Variants in FAM227B observed in about 807,000 individuals in gnomAD.
FAM227B encodes the protein protein FAM227B.
FAM227B carries 88 observed loss-of-function variants against 73.8 expected under a neutral mutation model. The ratio of observed to expected loss-of-function variants is 1.19; its 90% CI spans 1.00 to 1.42. FAM227B has a LOEUF of 1.42. Among genes scored for constraint, FAM227B ranks in the 40% most tolerant of loss-of-function variants. The probability of loss-of-function intolerance (pLI) is 0.00; values close to 1 mark genes in which losing one functional copy is unlikely to be tolerated. For missense variants in FAM227B, 632 were observed against 590.9 expected (o/e 1.07, Z -0.72); for synonymous variants, 210 against 190.5 (o/e 1.10, Z -0.84).
chr15:49,393,485 T>C (rs1480974435), intron 11 of FAM227B, among the ~76,000 whole-genome samples: 1 of 152,176 alleles, frequency 6.6e-6, no homozygotes, highest in Non-Finnish European at 1.5e-5. Flanking sequence ...AAATAAATTA[T>C]AGGCTCTCAA....
chr15:49,615,045 G>A, intron 2 of FAM227B, 76 bp downstream of exon 2: 1 of 1,342,072 alleles, frequency 7.5e-7, no homozygotes, highest in South Asian at 1.2e-5. Flanking sequence ...GCTCTACCTG[G>A]GAGCCCTGAT....
intron 11 of FAM227B, among the ~76,000 whole-genome samples, chr15:49,467,589 T>C (rs923778545): frequency 5.3e-5 from 8 of 152,162 alleles, no homozygotes; most frequent in East Asian, 1.9e-4. Flanking sequence ...AAAAATCTGA[T>C]ACTTTCTCAC....
chr15:49,350,169 T>A (rs2042043231), intron 13 of FAM227B, among the ~76,000 whole-genome samples: 1 of 152,224 alleles, frequency 6.6e-6, no homozygotes, highest in Non-Finnish European at 1.5e-5. Flanking sequence ...TTGTTCATAG[T>A]ACTTTCTGTG....
chr15:49,498,764 G>C (rs1222529760), intron 11 of FAM227B, among the ~76,000 whole-genome samples: 1 of 152,154 alleles, frequency 6.6e-6, no homozygotes, highest in African/African-American at 2.4e-5. Flanking sequence ...TCAAAATAAA[G>C]GGATGGAAAA....
chr15:49,533,960 C>T (rs2060813701), intron 10 of FAM227B, among the ~76,000 whole-genome samples: 1 of 151,818 alleles, frequency 6.6e-6, no homozygotes, highest in Non-Finnish European at 1.5e-5. Flanking sequence ...TACTTTCTTG[C>T]TGTCTTCCTT....
intron 11 of FAM227B, among the ~76,000 whole-genome samples, chr15:49,496,739 T>G (rs1057002019): frequency 6.6e-6 from 1 of 152,174 alleles, no homozygotes; most frequent in African/African-American, 2.4e-5. Flanking sequence ...AAAAATTATG[T>G]TTTAAATATG....
chr15:49,603,913 T>C (rs938078998), intron 3 of FAM227B, among the ~76,000 whole-genome samples: 2 of 152,202 alleles, frequency 1.3e-5, no homozygotes, highest in East Asian at 3.9e-4. Context: ...GGAAATCATA[T>C]GGGTTTTGTC....
chr15:49,443,613 T>C (rs1022230703), intron 11 of FAM227B, among the ~76,000 whole-genome samples: 1 of 151,798 alleles, frequency 6.6e-6, no homozygotes, highest in Non-Finnish European at 1.5e-5. Flanking sequence ...CTAAAAACTA[T>C]GATCTAATTC....
intron 11 of FAM227B, among the ~76,000 whole-genome samples, chr15:49,375,066 T>C (rs750585067): frequency 2.0e-5 from 3 of 152,150 alleles, no homozygotes; most frequent in Non-Finnish European, 4.4e-5. Context: ...ATGGTTCAAA[T>C]TGGCAAACTG....
chr15:49,329,479 G>A, intron 15 of FAM227B: 3 of 985,036 alleles, frequency 3.0e-6, no homozygotes, highest in Non-Finnish European at 2.4e-6. Flanking sequence ...CTCACAGATT[G>A]GGCATCACCA....
intron 10 of FAM227B, among the ~76,000 whole-genome samples, chr15:49,535,016 G>A (rs567164746): frequency 6.6e-6 from 1 of 151,592 alleles, no homozygotes; most frequent in South Asian, 2.1e-4. Context: ...CTAACATTAT[G>A]CCTTAAGGAA....
chr15:49,341,483 G>T (rs2040721835), intron 13 of FAM227B, among the ~76,000 whole-genome samples: 1 of 152,092 alleles, frequency 6.6e-6, no homozygotes, highest in African/African-American at 2.4e-5. Context: ...TGGGTTAGAT[G>T]TACCTGTGAT....
At position 49,457,703 on chromosome 15, in the gene FAM227B, A is replaced by G. The variant is rs139374655; in HGVS notation, c.1012+50508T>C. ...CAGTGACAATAGATTTCCAATGTCT[A>G]TTACTTCAGTATTTAGAAAATAGAT... is the stretch of plus-strand genomic sequence containing the variant. On this transcript the variant is annotated intron_variant, in intron 11 of 15. Coordinates refer to ENST00000299338, the MANE Select transcript of FAM227B (RefSeq NM_152647.3). Among the ~76,000 whole-genome samples, 307 of 152,004 alleles carry G rather than the reference A, an allele frequency of 2.0e-3. 2 individuals carry two copies. The highest frequency in any genetic ancestry group is 7.1e-3 in the African/African-American group (294 of 41,536).
chr15:49,475,087 T>C (rs933962666), intron 11 of FAM227B, among the ~76,000 whole-genome samples: 2 of 152,190 alleles, frequency 1.3e-5, no homozygotes, highest in African/African-American at 2.4e-5. Context: ...AAAAGATCTA[T>C]AGAATTGGTT....
intron 13 of FAM227B, chr15:49,365,610 T>C (rs541774632): frequency 4.6e-6 from 5 of 1,094,392 alleles, no homozygotes; most frequent in Admixed American, 1.7e-5. Flanking sequence ...TGATGAATGG[T>C]GTTATGAAAA....
intron 1 of FAM227B, among the ~76,000 whole-genome samples, chr15:49,618,708 C>T (rs1218895056): frequency 6.6e-6 from 1 of 152,142 alleles, no homozygotes; most frequent in South Asian, 2.1e-4. Flanking sequence ...CTGCCTTCCA[C>T]AGGAGAAAGT....
intron 11 of FAM227B, among the ~76,000 whole-genome samples, chr15:49,499,904 C>G (rs1039326227): frequency 6.6e-6 from 1 of 152,092 alleles, no homozygotes; most frequent in Non-Finnish European, 1.5e-5. Flanking sequence ...AACTATAAAG[C>G]TACATACTAT....
intron 5 of FAM227B, among the ~76,000 whole-genome samples, chr15:49,586,925 C>T (rs2076202970): frequency 6.6e-6 from 1 of 152,098 alleles, no homozygotes; most frequent in Non-Finnish European, 1.5e-5. Flanking sequence ...TAATACACAG[C>T]TGGTGGGAAT....
At chr15:49,420,831 G>A (rs747056446) in intron 11 of FAM227B, among the ~76,000 whole-genome samples, 4 of 151,962 alleles carry the variant, frequency 2.6e-5, no homozygotes, top group Admixed American at 1.3e-4. Context: ...TCAGCCTCCC[G>A]AGTAGCTGGG....
Sources: gnomAD v4.1 joint callset for allele counts (sites outside exome capture counted in the v4.1 genomes callset) on GRCh38, gnomAD v4.1.1 for gene constraint, MANE v1.5 for transcripts, NCBI Gene and HGNC (gene_info 2026-07-23, HGNC 2026-07-21) for gene names.